CNTNAP2: variants seen among roughly 807,000 people sequenced by gnomAD.
CNTNAP2 encodes the protein contactin-associated protein-like 2.
Under a neutral mutation model 155.2 loss-of-function variants are expected in CNTNAP2, and 98 were observed. That is an observed-to-expected ratio of 0.63 (90% CI 0.54 to 0.75). The LOEUF is 0.75. CNTNAP2 is among the 30% of genes least tolerant of loss of function. The probability of loss-of-function intolerance (pLI) is 0.00; values close to 1 mark genes in which losing one functional copy is unlikely to be tolerated. For synonymous variants in CNTNAP2, 651 were observed against 631.2 expected, an observed-to-expected ratio of 1.03 and a Z score of -0.47; for missense variants, 1,727 against 1,688.1, an observed-to-expected ratio of 1.02 and a Z score of -0.40.
intron 13 of CNTNAP2, among the ~76,000 whole-genome samples, chr7:147,740,502 A>C (rs988655332): frequency 6.6e-6 from 1 of 152,166 alleles, no homozygotes; most frequent in Non-Finnish European, 1.5e-5. Flanking sequence ...AAATTGTCAG[A>C]TGTAACAAAG....
At chr7:146,679,445 TCC>T (rs1424813841) in intron 1 of CNTNAP2, among the ~76,000 whole-genome samples, 1 of 136,388 alleles carries the variant, frequency 7.3e-6, no homozygotes, top group Admixed American at 8.2e-5. Context: ...AACTTCCACC[TCC>T]CAGGTTCAAG....
At chr7:146,839,646 A>G (rs2129200432) in intron 2 of CNTNAP2, 65 bp from the exon 3 acceptor site, 1 of 1,545,828 alleles carries the variant, frequency 6.5e-7, no homozygotes, top group South Asian at 1.1e-5. Flanking sequence ...AGAATATTCC[A>G]TTGTCAGTTG....
At chr7:148,093,867 C>A (rs1803903765) in intron 15 of CNTNAP2, among the ~76,000 whole-genome samples, 1 of 152,194 alleles carries the variant, frequency 6.6e-6, no homozygotes, top group Non-Finnish European at 1.5e-5. Flanking sequence ...CTCAACCTCG[C>A]AGGCTCAACC....
chr7:147,539,061 G>A (rs1799596894), intron 11 of CNTNAP2, among the ~76,000 whole-genome samples: 1 of 152,096 alleles, frequency 6.6e-6, no homozygotes, highest in African/African-American at 2.4e-5. Flanking sequence ...TCTGATTTTA[G>A]AATGTTCATA....
intron 11 of CNTNAP2, among the ~76,000 whole-genome samples, chr7:147,524,780 G>A (rs1054819767): frequency 6.6e-6 from 1 of 152,196 alleles, no homozygotes; most frequent in African/African-American, 2.4e-5. Context: ...GTCCCCAGGA[G>A]AGGGACCAGA....
intron 3 of CNTNAP2, among the ~76,000 whole-genome samples, chr7:146,873,102 A>G (rs964896629): frequency 6.6e-6 from 1 of 152,172 alleles, no homozygotes; most frequent in Admixed American, 6.6e-5. Context: ...CTACCATTGG[A>G]GAATTGTTGA....
intron 1 of CNTNAP2, among the ~76,000 whole-genome samples, chr7:146,738,011 T>G (rs1240357340): frequency 6.6e-6 from 1 of 152,112 alleles, no homozygotes; most frequent in Admixed American, 6.5e-5. Flanking sequence ...AAAATACTGA[T>G]TTCACTTCCT....
intron 1 of CNTNAP2, among the ~76,000 whole-genome samples, chr7:146,498,023 C>G (rs1378580133): frequency 6.6e-6 from 1 of 151,788 alleles, no homozygotes; most frequent in Non-Finnish European, 1.5e-5. Flanking sequence ...ATACATGGAA[C>G]TCACAGTTAG....
At chr7:146,508,682 C>T (rs1490469284) in intron 1 of CNTNAP2, among the ~76,000 whole-genome samples, 5 of 152,200 alleles carry the variant, frequency 3.3e-5, no homozygotes, top group African/African-American at 1.2e-4. Flanking sequence ...TACCTTCACC[C>T]ATCTGCAAGT....
intron 21 of CNTNAP2, among the ~76,000 whole-genome samples, chr7:148,380,927 A>AACAT (rs1799042997): frequency 6.6e-6 from 1 of 152,216 alleles, no homozygotes; most frequent in Non-Finnish European, 1.5e-5. Flanking sequence ...CATGGGAGGA[A>AACAT]GCACGCATGT....
At chr7:146,283,427 G>A (rs1208593936) in intron 1 of CNTNAP2, among the ~76,000 whole-genome samples, 1 of 152,100 alleles carries the variant, frequency 6.6e-6, no homozygotes, top group African/African-American at 2.4e-5. Context: ...GAGTGCAGTT[G>A]TGGGATCACA....
chr7:148,413,401 A>AAAAAAAAATAT (rs1442990213), intron 23 of CNTNAP2, among the ~76,000 whole-genome samples: 1 of 45,368 alleles, frequency 2.2e-5, no homozygotes, highest in African/African-American at 1.3e-4. Flanking sequence ...TCAAAAAAAA[A>AAAAAAAAATAT]ATATATATAT....
chr7:147,702,232 C>A (rs964757877), intron 13 of CNTNAP2, among the ~76,000 whole-genome samples: 1 of 151,966 alleles, frequency 6.6e-6, no homozygotes, highest in Non-Finnish European at 1.5e-5. Context: ...ATCACAAGAG[C>A]TGGGGTTGCA....
chr7:146,736,125 G>A (rs761666436), intron 1 of CNTNAP2, among the ~76,000 whole-genome samples: 2 of 152,084 alleles, frequency 1.3e-5, no homozygotes, highest in African/African-American at 4.8e-5. Context: ...CATGTATATT[G>A]TATTAGTAAT....
chr7:148,386,525 A>G (rs968792727), intron 22 of CNTNAP2, among the ~76,000 whole-genome samples: 5 of 152,138 alleles, frequency 3.3e-5, no homozygotes, highest in African/African-American at 1.2e-4. Flanking sequence ...CAAAAAAACA[A>G]CAGAAAACAG....
At chr7:147,956,121 A>G (rs779323907) in intron 14 of CNTNAP2, among the ~76,000 whole-genome samples, 45 of 152,324 alleles carry the variant, frequency 3.0e-4, no homozygotes, top group Admixed American at 2.5e-3. Context: ...AATAATAACT[A>G]TTTGAATATA....
At chr7:147,834,412 G>A (rs1798602465) in intron 13 of CNTNAP2, among the ~76,000 whole-genome samples, 3 of 152,144 alleles carry the variant, frequency 2.0e-5, no homozygotes, top group Non-Finnish European at 4.4e-5. Flanking sequence ...TTGTGTTGGG[G>A]TCTATGGAGG....
intron 1 of CNTNAP2, among the ~76,000 whole-genome samples, chr7:146,126,121 G>C (rs1400746203): frequency 6.6e-6 from 1 of 152,198 alleles, no homozygotes; most frequent in Non-Finnish European, 1.5e-5. Context: ...TGGGCCACCA[G>C]CTTGGCCTAT....
chr7:146,252,858 T>G, intron 1 of CNTNAP2, among the ~76,000 whole-genome samples: 1 of 151,522 alleles, frequency 6.6e-6, no homozygotes, highest in Non-Finnish European at 1.5e-5. Flanking sequence ...TCTTAAAATG[T>G]GCCCATAGTG....
Sources: gnomAD v4.1 joint callset for allele counts (sites outside exome capture counted in the v4.1 genomes callset) on GRCh38, gnomAD v4.1.1 for gene constraint, MANE v1.5 for transcripts, NCBI Gene and HGNC (gene_info 2026-07-23, HGNC 2026-07-21) for gene names.